The following NLGN1 variants were observed in gnomAD, a reference collection of about 807,000 sequenced individuals.
The protein encoded by NLGN1 is neuroligin-1.
In NLGN1, 12 loss-of-function variants were observed where a neutral mutation model predicts 65.5. The observed-to-expected ratio is 0.18, with a 90% CI of 0.12 to 0.30. The LOEUF is 0.30. Ranked by LOEUF, NLGN1 falls within the 10% of genes least tolerant of loss-of-function variation. The pLI is 1.00. For missense variants in NLGN1, 750 were observed against 1,007.1 expected, an observed-to-expected ratio of 0.74 and a Z score of 3.46; for synonymous variants, 350 against 359.5, an observed-to-expected ratio of 0.97 and a Z score of 0.30.
Position 174,186,481 on chromosome 3 carries a change from G to C in NLGN1, c.647-88834G>C, listed in dbSNP as rs77371565. ...TGCAAGAGTTTTTCCTAATGTCTCT[G>C]CTTCAGACCTACCATGTAGATTAGC... On this transcript the variant is annotated intron_variant, in intron 4 of 6. Transcript: ENST00000457714. 3.5e-4 allele frequency among the ~76,000 whole-genome samples: 53 copies of C among 152,090 alleles called. No individual in the cohort carries two copies. In the East Asian group the frequency reaches 9.7e-3, roughly 28 times the overall value.
intron 2 of NLGN1, among the ~76,000 whole-genome samples, chr3:173,491,692 C>T (rs1267535170): frequency 6.6e-6 from 1 of 151,668 alleles, no homozygotes; most frequent in Non-Finnish European, 1.5e-5. Context: ...TGCTAGGCTT[C>T]AATTATCCGC....
At chr3:174,170,392 A>C (rs950542115) in intron 4 of NLGN1, among the ~76,000 whole-genome samples, 1 of 152,182 alleles carries the variant, frequency 6.6e-6, no homozygotes, top group South Asian at 2.1e-4. Context: ...TACAGGGCCC[A>C]GCAGCACATG....
chr3:174,234,122 A>T (rs76012967), intron 4 of NLGN1, among the ~76,000 whole-genome samples: 1 of 152,130 alleles, frequency 6.6e-6, no homozygotes, highest in Non-Finnish European at 1.5e-5. Flanking sequence ...AAAGAATTCA[A>T]CCAAGGGGCA....
chr3:174,017,810 C>T (rs1254795609), intron 4 of NLGN1, among the ~76,000 whole-genome samples: 3 of 152,054 alleles, frequency 2.0e-5, no homozygotes. Flanking sequence ...CAACTGGAGG[C>T]AGGGTGAGAT....
At chr3:173,538,075 G>A (rs1737752019) in intron 2 of NLGN1, among the ~76,000 whole-genome samples, 1 of 152,182 alleles carries the variant, frequency 6.6e-6, no homozygotes. Context: ...TAAAGCTGTG[G>A]AAATAGGAAG....
rs9840328 is a variant in NLGN1 at position 173,683,132 on chromosome 3, C to A, written c.493+78041C>A. Among the ~76,000 whole-genome samples the A allele has an allele frequency of 4.7e-3, 722 of 152,204 alleles. 8 individuals are homozygous for A. The highest frequency in any genetic ancestry group is 0.017 in the African/African-American group (693 of 41,510). ...TCTCCCATTTAGTATTAAAATGCAG[C>A]TGGCATGTATTTATAAATGATGTAT... On this transcript the variant is annotated intron_variant, in intron 3 of 6. Coordinates refer to ENST00000457714, the Ensembl canonical transcript of NLGN1.
At chr3:173,906,803 C>T (rs1230634416) in intron 4 of NLGN1, among the ~76,000 whole-genome samples, 1 of 148,616 alleles carries the variant, frequency 6.7e-6, no homozygotes, top group Non-Finnish European at 1.5e-5. Context: ...GTGCTATGAT[C>T]GTGCCTATGA....
At chr3:173,417,138 AT>A (rs1713965851) in intron 1 of NLGN1, among the ~76,000 whole-genome samples, 1 of 151,988 alleles carries the variant, frequency 6.6e-6, no homozygotes, top group South Asian at 2.1e-4. Flanking sequence ...TAGATATTAC[AT>A]TTGACATATT....
chr3:173,775,422 T>C (rs2150289647), intron 3 of NLGN1, among the ~76,000 whole-genome samples: 1 of 152,244 alleles, frequency 6.6e-6, no homozygotes, highest in Admixed American at 6.5e-5. Context: ...ATTTGAACCC[T>C]TGACATGTTA....
intron 3 of NLGN1, among the ~76,000 whole-genome samples, chr3:173,774,105 A>G (rs1255533729): frequency 6.6e-6 from 1 of 152,170 alleles, no homozygotes; most frequent in Non-Finnish European, 1.5e-5. Flanking sequence ...CTGTTTTTTT[A>G]TTTATAAAGC....
intron 3 of NLGN1, among the ~76,000 whole-genome samples, chr3:173,633,497 T>C (rs1756080388): frequency 1.3e-5 from 2 of 152,138 alleles, no homozygotes; most frequent in Non-Finnish European, 2.9e-5. Flanking sequence ...CTTTAAGAAA[T>C]AGAAGATTTT....
Position 173,754,439 on chromosome 3 carries a change from TC to T in NLGN1, c.494-53240del, listed in dbSNP as rs550985704. 5.8e-4 allele frequency among the ~76,000 whole-genome samples: 89 copies of T among 152,242 alleles called. 1 individual carries two copies. The highest frequency in any genetic ancestry group is 2.1e-3 in the African/African-American group (87 of 41,554). ...CATTTCACCCAATACTCCTCATTCT[TC>T]TTTCTCTGTTTCATATTTTTTCTGT... On this transcript the variant is annotated intron_variant, in intron 3 of 6. Coordinates refer to ENST00000457714, the Ensembl canonical transcript of NLGN1.
intron 4 of NLGN1, among the ~76,000 whole-genome samples, chr3:173,935,784 A>G (rs9864490): frequency 0.044 from 6,615 of 152,048 alleles, 245 homozygotes; most frequent in African/African-American, 0.1. Flanking sequence ...TTTTAAACCA[A>G]TTGTTAGTGA....
intron 1 of NLGN1, among the ~76,000 whole-genome samples, chr3:173,417,820 T>C (rs1224278138): frequency 2.0e-5 from 3 of 151,968 alleles, no homozygotes; most frequent in African/African-American, 7.2e-5. Flanking sequence ...ACTATGTTTT[T>C]TAGGTGTTTC....
intron 2 of NLGN1, among the ~76,000 whole-genome samples, chr3:173,566,099 G>A (rs891845325): frequency 3.3e-5 from 5 of 152,284 alleles, no homozygotes; most frequent in African/African-American, 4.8e-5. Flanking sequence ...GTGAGGAGAC[G>A]TAAGCCTGTA....
At position 173,811,437 on chromosome 3, in the gene NLGN1, G is replaced by A. The variant is rs1359310956; in HGVS notation, c.646+3605G>A. 3.3e-5 allele frequency among the ~76,000 whole-genome samples: 5 copies of A among 151,852 alleles called. No homozygotes were observed. The East Asian group carries it at 9.7e-4, about 30-fold the overall frequency. Reference sequence around the variant, plus strand: ...AAATCAGCTTGGCGTGGTGGTGGGTGCCTGTAATCACAGCTACTCGGGAGC... The same window carrying A: ...AAATCAGCTTGGCGTGGTGGTGGGTACCTGTAATCACAGCTACTCGGGAGC... On this transcript the variant is annotated intron_variant, in intron 4 of 6. Transcript: ENST00000457714.
intron 4 of NLGN1, among the ~76,000 whole-genome samples, chr3:174,197,879 G>A (rs1733768269): frequency 1.3e-5 from 2 of 150,994 alleles, no homozygotes; most frequent in South Asian, 4.2e-4. Flanking sequence ...TAGAACACTT[G>A]GAAACTAAAT....
intron 2 of NLGN1, among the ~76,000 whole-genome samples, chr3:173,589,806 C>T (rs1411798103): frequency 1.3e-5 from 2 of 151,990 alleles, no homozygotes; most frequent in African/African-American, 4.8e-5. Context: ...CTGACACACC[C>T]AATGAATGGT....
At position 173,882,125 on chromosome 3, in the gene NLGN1, G is replaced by A. The variant is rs116142713; in HGVS notation, c.646+74293G>A. Reference sequence around the variant, plus strand: ...CTTTGACAATAAGCAGTAATATTTTGAAATATCTTTTTTTCTGAGAAGTAG... The same window carrying A: ...CTTTGACAATAAGCAGTAATATTTTAAAATATCTTTTTTTCTGAGAAGTAG... On this transcript the variant is annotated intron_variant, in intron 4 of 6. Coordinates refer to ENST00000457714, the Ensembl canonical transcript of NLGN1. Among the ~76,000 whole-genome samples the A allele has an allele frequency of 3.4e-4, 52 of 152,112 alleles. 1 individual carries two copies. The highest frequency in any genetic ancestry group is 1.2e-3 in the African/African-American group (49 of 41,418).
Sources: allele counts gnomAD v4.1 joint callset (sites outside exome capture counted in the v4.1 genomes callset), GRCh38; gene constraint gnomAD v4.1.1; transcripts MANE v1.5; gene names NCBI Gene and HGNC (gene_info 2026-07-23, HGNC 2026-07-21).